Variants in GNAT3 observed in about 807,000 individuals in gnomAD.
GNAT3 encodes the protein guanine nucleotide-binding protein G(t) subunit alpha-3.
A neutral mutation model predicts 37.7 loss-of-function variants in GNAT3; 31 were observed. The ratio of observed to expected loss-of-function variants is 0.82; its 90% CI spans 0.62 to 1.11. GNAT3 has a LOEUF of 1.11. Among genes scored for constraint, GNAT3 ranks in the 50% most tolerant of loss-of-function variants. The pLI is 0.00. For missense variants in GNAT3, 437 were observed against 412.5 expected (o/e 1.06, Z -0.51); for synonymous variants, 138 against 139.8 (o/e 0.99, Z 0.09).
rs1015696549 is a variant in GNAT3, at chr7:80,462,429, G to A, written c.720+73C>T. On this transcript the variant is annotated intron_variant, in intron 6 of 7. Transcript: ENST00000398291. Reference sequence around the variant, plus strand: ...ATCTTTGGCAAACCTTCATGAGTTGGGCAATGTGGTAGTACTACTGAAAAG... The same window carrying A: ...ATCTTTGGCAAACCTTCATGAGTTGAGCAATGTGGTAGTACTACTGAAAAG... 8.3e-6 allele frequency: 13 copies of A among 1,567,868 alleles called. No individual in the cohort carries two copies. The African/African-American group carries it at 1.6e-4, about 20-fold the overall frequency.
chr7:80,464,622 T>C (rs554403352), intron 5 of GNAT3, among the ~76,000 whole-genome samples: 2 of 152,068 alleles, frequency 1.3e-5, no homozygotes, highest in Non-Finnish European at 2.9e-5. Flanking sequence ...AAATAAAGTA[T>C]GGGGCTATCA....
chr7:80,469,540 A>G (rs1790175150), intron 5 of GNAT3, among the ~76,000 whole-genome samples: 1 of 152,178 alleles, frequency 6.6e-6, no homozygotes, highest in Admixed American at 6.6e-5. Context: ...ACTCTACAGT[A>G]ATTTCCACTG....
Position 80,459,139 on chromosome 7 carries a change from TCAAAC to T in GNAT3, c.875-283_875-279del, listed in dbSNP as rs201810036. 2.2e-3 allele frequency among the ~76,000 whole-genome samples: 339 copies of T among 152,208 alleles called. 15 individuals are homozygous for T. The South Asian group carries it at 0.057, about 26-fold the overall frequency. ...TGAGTGATACAAACTTACGTATACA[TCAAAC>T]ACTGTGTGTGTGTTTGTGGGTATGG... On this transcript the variant is annotated intron_variant, in intron 7 of 7. Coordinates refer to ENST00000398291, the MANE Select transcript of GNAT3 (RefSeq NM_001102386.3).
intron 1 of GNAT3, among the ~76,000 whole-genome samples, chr7:80,510,407 G>A (rs556078037): frequency 2.6e-5 from 4 of 152,158 alleles, no homozygotes; most frequent in African/African-American, 9.6e-5. Context: ...ATTTAAACAC[G>A]GAAATTTTTA....
At chr7:80,494,323 A>G (rs1397129159) in intron 2 of GNAT3, among the ~76,000 whole-genome samples, 1 of 152,202 alleles carries the variant, frequency 6.6e-6, no homozygotes, top group Non-Finnish European at 1.5e-5. Context: ...ATCAGATTAT[A>G]AAGTCCTTGA....
chr7:80,491,435 G>T (rs1790589540), intron 2 of GNAT3, among the ~76,000 whole-genome samples: 2 of 152,180 alleles, frequency 1.3e-5, no homozygotes, highest in South Asian at 4.1e-4. Flanking sequence ...TCAGCTTGAA[G>T]ATTCTGGTGA....
At chr7:80,460,482 G>T (rs1338397517) in intron 7 of GNAT3, among the ~76,000 whole-genome samples, 2 of 152,194 alleles carry the variant, frequency 1.3e-5, no homozygotes, top group African/African-American at 4.8e-5. Flanking sequence ...GCCGGGGACG[G>T]TGGCTCATGC....
intron 1 of GNAT3, among the ~76,000 whole-genome samples, chr7:80,511,454 GT>G (rs2116241715): frequency 6.6e-6 from 1 of 152,062 alleles, no homozygotes; most frequent in South Asian, 2.1e-4. Flanking sequence ...TTTATAACTT[GT>G]AGCTAAAGGA....
intron 5 of GNAT3, among the ~76,000 whole-genome samples, chr7:80,467,082 C>A (rs1790139687): frequency 6.6e-6 from 1 of 152,026 alleles, no homozygotes; most frequent in South Asian, 2.1e-4. Flanking sequence ...TGGTTTGTTC[C>A]TAAACTCACA....
intron 1 of GNAT3, among the ~76,000 whole-genome samples, chr7:80,498,368 T>C (rs749002244): frequency 5.9e-5 from 9 of 152,144 alleles, no homozygotes; most frequent in Non-Finnish European, 1.2e-4. Context: ...AAACTACATA[T>C]TAAAAGTTAA....
chr7:80,482,825 C>T (rs1381564933), intron 3 of GNAT3, among the ~76,000 whole-genome samples: 2 of 151,448 alleles, frequency 1.3e-5, no homozygotes, highest in Non-Finnish European at 2.9e-5. Flanking sequence ...ACCACCATAC[C>T]TGTCCTTCCT....
chr7:80,499,190 C>T (rs1468763830), intron 1 of GNAT3, among the ~76,000 whole-genome samples: 1 of 152,026 alleles, frequency 6.6e-6, no homozygotes, highest in African/African-American at 2.4e-5. Context: ...AAAATGAATC[C>T]AATAGAGATT....
At chr7:80,483,484 A>G (rs1176105831) in intron 3 of GNAT3, among the ~76,000 whole-genome samples, 3 of 152,124 alleles carry the variant, frequency 2.0e-5, no homozygotes, top group African/African-American at 7.2e-5. Context: ...CTGATCGAAC[A>G]CTTAACTCCT....
At chr7:80,505,054 G>C (rs552684046) in intron 1 of GNAT3, among the ~76,000 whole-genome samples, 6 of 152,216 alleles carry the variant, frequency 3.9e-5, no homozygotes, top group Non-Finnish European at 8.8e-5. Context: ...AGAGGGATCA[G>C]GGTTAGATCA....
At chr7:80,462,436 T>TG in intron 6 of GNAT3, 66 bp downstream of exon 6, 1 of 1,578,846 alleles carries the variant, frequency 6.3e-7, no homozygotes, top group Non-Finnish European at 8.7e-7. Flanking sequence ...TTGGGCAATG[T>TG]GGTAGTACTA....
chr7:80,492,952 C>T (rs558223508), intron 2 of GNAT3, among the ~76,000 whole-genome samples: 2 of 151,954 alleles, frequency 1.3e-5, no homozygotes, highest in South Asian at 4.2e-4. Flanking sequence ...TTTGTCATTT[C>T]TATACTCTCT....
intron 5 of GNAT3, among the ~76,000 whole-genome samples, chr7:80,473,754 C>T (rs1344908042): frequency 6.6e-6 from 1 of 152,024 alleles, no homozygotes; most frequent in East Asian, 1.9e-4. Context: ...CATTTTCATA[C>T]TCAAAACATG....
At chr7:80,501,515 C>T (rs1393005525) in intron 1 of GNAT3, among the ~76,000 whole-genome samples, 2 of 151,892 alleles carry the variant, frequency 1.3e-5, no homozygotes, top group Admixed American at 6.6e-5. Flanking sequence ...ACTATATACT[C>T]CATATTCAAA....
chr7:80,493,466 T>C (rs1790632911), intron 2 of GNAT3, among the ~76,000 whole-genome samples: 1 of 152,190 alleles, frequency 6.6e-6, no homozygotes, highest in Non-Finnish European at 1.5e-5. Flanking sequence ...GAAAACAGTG[T>C]CTTAGATTGA....
Sources: gnomAD v4.1 joint callset for allele counts (sites outside exome capture counted in the v4.1 genomes callset) on GRCh38, gnomAD v4.1.1 for gene constraint, MANE v1.5 for transcripts, NCBI Gene and HGNC (gene_info 2026-07-23, HGNC 2026-07-21) for gene names.